The following ZFX variants were observed in gnomAD, a reference collection of about 807,000 sequenced individuals.
ZFX encodes the protein zinc finger X-chromosomal protein.
For synonymous variants in ZFX, 196 were observed against 226.8 expected (o/e 0.86, Z 1.22); for missense variants, 362 against 628.3 (o/e 0.58, Z 4.53).
chrX:24,176,588 C>T (rs141271752), intron 4 of ZFX, among the ~76,000 whole-genome samples: 3,837 of 108,171 alleles, frequency 0.035, 172 homozygotes, highest in African/African-American at 0.12. Flanking sequence ...TGCACCACTA[C>T]GCCTGGTTAA....
chrX:24,152,167 ACT>A (rs1160917655), intron 2 of ZFX, among the ~76,000 whole-genome samples: 2 of 105,491 alleles, frequency 1.9e-5, no homozygotes, highest in African/African-American at 7.0e-5. Flanking sequence ...ACTGAATCTC[ACT>A]CTGTCGCCCA....
chrX:24,172,874 C>T, intron 4 of ZFX, 74 bp downstream of exon 4: 1 of 998,761 alleles, frequency 1.0e-6, no homozygotes, highest in Non-Finnish European at 1.4e-6. Flanking sequence ...ATTGCTAGAA[C>T]TCTCACATTG....
intron 5 of ZFX, among the ~76,000 whole-genome samples, chrX:24,182,976 G>A (rs182489080): frequency 1.8e-5 from 2 of 111,393 alleles, no homozygotes; most frequent in Admixed American, 9.6e-5. Flanking sequence ...GGTAAAAGGA[G>A]TACTTGAATG....
chrX:24,199,457 T>C (rs757607081), intron 5 of ZFX, among the ~76,000 whole-genome samples: 1 of 110,175 alleles, frequency 9.1e-6, no homozygotes, highest in East Asian at 2.9e-4. Flanking sequence ...GGTCTCGCTG[T>C]GTTGCCCAGG....
chrX:24,168,482 T>C (rs2147441626), intron 3 of ZFX, among the ~76,000 whole-genome samples: 1 of 109,600 alleles, frequency 9.1e-6, no homozygotes, highest in South Asian at 3.7e-4. Context: ...CTGTGATCCC[T>C]AATTTAAGAT....
At chrX:24,188,938 A>G (rs761005285) in intron 5 of ZFX, among the ~76,000 whole-genome samples, 6 of 111,158 alleles carry the variant, frequency 5.4e-5, no homozygotes, top group African/African-American at 2.0e-4. Flanking sequence ...CCTGGGTTCA[A>G]GCGATTCTAC....
In ZFX at chrX:24,211,349, A is replaced by T. The variant is rs1237021854; in HGVS notation, c.2391A>T (p.Arg797=). 37 of 1,210,809 alleles carry T rather than the reference A, an allele frequency of 3.1e-5. No individual in the cohort carries two copies. The highest frequency in any genetic ancestry group is 3.8e-5 in the Non-Finnish European group (34 of 895,482). ...CAGAAAAGAACCAGCACATAATGCG[A>T]CATCATAAAGAAGTTGGCCTGCCCT... ...RPSEKNQHIM[R]HHKEVGLP The change falls in exon 10 of 10, where the codon CGA becomes CGT. Residue 797 remains arginine (R), a synonymous_variant. Coordinates refer to ENST00000304543, the MANE Select transcript of ZFX (RefSeq NM_003410.4).
intron 5 of ZFX, among the ~76,000 whole-genome samples, chrX:24,181,333 A>G (rs1293812809): frequency 8.9e-6 from 1 of 111,878 alleles, no homozygotes; most frequent in Non-Finnish European, 1.9e-5. Context: ...ACATAAGACC[A>G]TTATCCCTGG....
At chrX:24,176,040 CTTT>C (rs760962081) in intron 4 of ZFX, among the ~76,000 whole-genome samples, 2 of 95,814 alleles carry the variant, frequency 2.1e-5, no homozygotes, top group Non-Finnish European at 2.1e-5. Flanking sequence ...TGAACATACT[CTTT>C]TTTTTTTTTT....
rs759923611 is a variant in ZFX, at chrX:24,215,615, C to T, written c.*4239C>T. On this transcript the variant is annotated 3_prime_UTR_variant, in exon 10 of 10. Coordinates refer to ENST00000304543, the MANE Select transcript of ZFX (RefSeq NM_003410.4). Reference sequence around the variant, plus strand: ...GTGGTAGATAAGAAAGAAATTATCACAAAAAATCAGAAATGAACAGTGAGA... The same window carrying T: ...GTGGTAGATAAGAAAGAAATTATCATAAAAAATCAGAAATGAACAGTGAGA... 8.9e-6 allele frequency: 1 copy of T among 111,737 alleles called. No individual in the cohort carries two copies. The highest frequency in any genetic ancestry group is 2.8e-4 in the East Asian group (1 of 3,592). The allele number at this position is 111,737 out of a possible 1,213,427, so 9.2% of individuals were successfully genotyped here. A position where few individuals can be genotyped will look rare whatever the true frequency, so the allele number is the denominator to read the frequency against.
rs1399482611 is a variant in ZFX at position 24,188,722 on chromosome X, A to G, written c.646+8952A>G. ...GTTTAGATTTATAGTTTAGAAAGAT[A>G]ATGGCAATGTTCAGGGCAGGCGCAA... is the stretch of plus-strand genomic sequence containing the variant. On this transcript the variant is annotated intron_variant, in intron 5 of 9. Coordinates refer to ENST00000304543, the MANE Select transcript of ZFX (RefSeq NM_003410.4). Among the ~76,000 whole-genome samples the G allele has an allele frequency of 8.9e-5, 10 of 112,391 alleles. No individual in the cohort carries two copies. The Admixed American group carries it at 9.5e-4, about 11-fold the overall frequency.
In ZFX at chrX:24,179,168, A is replaced by T; in HGVS notation, c.59-15A>T. 2 of 1,182,606 alleles carry T rather than the reference A, an allele frequency of 1.7e-6. No homozygotes were observed. The highest frequency in any genetic ancestry group is 2.3e-6 in the Non-Finnish European group (2 of 877,625). ...ATACTTACCTGAAATTTGTCATTTT[A>T]ATTTTTTTTTTAAGGAGCTGATGGT... On this transcript the variant is annotated splice_polypyrimidine_tract_variant and intron_variant, in intron 4 of 9. Transcript: ENST00000304543.
At chrX:24,200,113 G>A (rs1436581039) in intron 5 of ZFX, among the ~76,000 whole-genome samples, 4 of 110,806 alleles carry the variant, frequency 3.6e-5, no homozygotes, top group African/African-American at 9.9e-5. Flanking sequence ...TGAAGACAGC[G>A]TTTATGGGCT....
intron 3 of ZFX, among the ~76,000 whole-genome samples, chrX:24,154,598 A>G (rs963342373): frequency 1.8e-5 from 2 of 111,016 alleles, no homozygotes; most frequent in Admixed American, 9.7e-5. Flanking sequence ...TTTCACCCAC[A>G]TTTTCCTGTA....
intron 3 of ZFX, among the ~76,000 whole-genome samples, chrX:24,170,608 A>ATT (rs1217226048): frequency 7.6e-4 from 65 of 85,919 alleles, no homozygotes; most frequent in South Asian, 1.0e-3. Context: ...TTTTTCTTTA[A>ATT]TTTTTTTTTT....
chrX:24,165,209 C>T (rs765503122), intron 3 of ZFX, among the ~76,000 whole-genome samples: 6 of 112,452 alleles, frequency 5.3e-5, no homozygotes, highest in African/African-American at 1.6e-4. Flanking sequence ...CAACCTTTGC[C>T]TCCTGAGTTC....
At chrX:24,159,925 T>G (rs1933090559) in intron 3 of ZFX, among the ~76,000 whole-genome samples, 2 of 112,113 alleles carry the variant, frequency 1.8e-5, no homozygotes, top group Admixed American at 1.9e-4. Context: ...TTGAGTTTTT[T>G]TGGTCATTTA....
chrX:24,172,486 AAAG>A (rs1934721390), intron 3 of ZFX, among the ~76,000 whole-genome samples: 2 of 112,381 alleles, frequency 1.8e-5, no homozygotes, highest in Middle Eastern at 4.6e-3. Flanking sequence ...TTCAACTTAA[AAAG>A]AAGTCCAGGC....
In ZFX at chrX:24,214,652, A is replaced by T. The variant is rs1432110253; in HGVS notation, c.*3276A>T. 1 of 112,337 alleles carries T rather than the reference A, an allele frequency of 8.9e-6. No individual in the cohort carries two copies. Among genetic ancestry groups the T allele is most frequent in the Non-Finnish European group, 1.9e-5 (1 of 53,261 alleles). 9.3% of individuals were successfully genotyped at this position (112,337 alleles called of 1,213,427 possible). A position where few individuals can be genotyped will look rare whatever the true frequency, so the allele number is the denominator to read the frequency against. ...TTGCAAGTAATATTTCAGAGAAGTT[A>T]AGAGGTGATTGGTGAGTCCTTTGAT... On this transcript the variant is annotated 3_prime_UTR_variant, in exon 10 of 10. Coordinates refer to ENST00000304543, the MANE Select transcript of ZFX (RefSeq NM_003410.4).
Sources: gnomAD v4.1 joint callset for allele counts (sites outside exome capture counted in the v4.1 genomes callset) on GRCh38, gnomAD v4.1.1 for gene constraint, MANE v1.5 for transcripts, NCBI Gene and HGNC (gene_info 2026-07-23, HGNC 2026-07-21) for gene names.